Variants in TAS2R1 observed in about 807,000 individuals in gnomAD.
TAS2R1 encodes taste receptor type 2 member 1.
For synonymous variants in TAS2R1, 141 were observed against 134.2 expected (o/e 1.05, Z -0.35); for missense variants, 370 against 353.4 (o/e 1.05, Z -0.38).
the TAS2R1 span, among the ~76,000 whole-genome samples, chr5:9,861,037 G>GGTTTTTTTTTTTTTTTTTTTTTTTTTT: frequency 6.8e-5 from 6 of 88,612 alleles, 1 homozygote; most frequent in African/African-American, 2.1e-4. Context: ...GGAAGATGAG[G>GGTTTTTTTTTTTTTTTTTTTTTTTTTT]TTTTTTTTTT....
chr5:9,649,870 T>G (rs1183570585), intron 2 of TAS2R1, among the ~76,000 whole-genome samples: 2 of 152,186 alleles, frequency 1.3e-5, no homozygotes, highest in East Asian at 3.9e-4. Flanking sequence ...GCTACATTTT[T>G]AAAATAATAG....
chr5:9,778,553 C>G, the TAS2R1 span, among the ~76,000 whole-genome samples: 1 of 152,228 alleles, frequency 6.6e-6, no homozygotes, highest in Non-Finnish European at 1.5e-5. Context: ...CATTGACAAT[C>G]GATTATTTAG....
At chr5:9,705,440 T>C (rs533734322) in intron 1 of TAS2R1, among the ~76,000 whole-genome samples, 1 of 152,334 alleles carries the variant, frequency 6.6e-6, no homozygotes, top group African/African-American at 2.4e-5. Flanking sequence ...AAAATTAAAA[T>C]TCAGTTCTGA....
chr5:9,763,617 A>G, the TAS2R1 span, among the ~76,000 whole-genome samples: 2 of 152,222 alleles, frequency 1.3e-5, no homozygotes, highest in African/African-American at 4.8e-5. Context: ...ATTGTCTACA[A>G]ATGAACCAGA....
At chr5:9,779,922 AC>A in the TAS2R1 span, among the ~76,000 whole-genome samples, 4 of 152,220 alleles carry the variant, frequency 2.6e-5, no homozygotes, top group Non-Finnish European at 5.9e-5. Context: ...GCCTGTACTT[AC>A]CCTCAGCTGA....
the TAS2R1 span, among the ~76,000 whole-genome samples, chr5:9,755,524 T>A: frequency 6.7e-6 from 1 of 150,122 alleles, no homozygotes; most frequent in African/African-American, 2.5e-5. Context: ...GAGGTGGAGC[T>A]TGCAGTGAGC....
chr5:9,696,613 A>T (rs557304301), intron 1 of TAS2R1, among the ~76,000 whole-genome samples: 92 of 152,132 alleles, frequency 6.0e-4, no homozygotes, highest in Non-Finnish European at 1.1e-3. Flanking sequence ...AAAATAGAAT[A>T]TAAAAAATTA....
the TAS2R1 span, among the ~76,000 whole-genome samples, chr5:9,843,396 ATC>A: frequency 6.6e-6 from 1 of 152,052 alleles, no homozygotes; most frequent in African/African-American, 2.4e-5. Context: ...ACTTTTCTCC[ATC>A]TCCTCCACCA....
At chr5:9,633,948 T>G (rs967271060), upstream of TAS2R1, among the ~76,000 whole-genome samples, 1 of 152,158 alleles carries the variant, frequency 6.6e-6, no homozygotes, top group African/African-American at 2.4e-5. Flanking sequence ...TTAGTTTAAT[T>G]AGGTCCCATC....
At chr5:9,639,966 G>A (rs2126480126) in intron 2 of TAS2R1, among the ~76,000 whole-genome samples, 1 of 152,132 alleles carries the variant, frequency 6.6e-6, no homozygotes, top group East Asian at 1.9e-4. Flanking sequence ...GTGTTCACTG[G>A]GGTAGCACTT....
the TAS2R1 span, among the ~76,000 whole-genome samples, chr5:9,764,108 A>G: frequency 6.6e-6 from 1 of 152,276 alleles, no homozygotes; most frequent in African/African-American, 2.4e-5. Context: ...TAACAGTCAG[A>G]CTACAGAAAG....
At chr5:9,706,179 C>G (rs755783738) in intron 1 of TAS2R1, among the ~76,000 whole-genome samples, 1 of 152,210 alleles carries the variant, frequency 6.6e-6, no homozygotes, top group Non-Finnish European at 1.5e-5. Flanking sequence ...TATATACCTG[C>G]TACTACAAAC....
intron 1 of TAS2R1, among the ~76,000 whole-genome samples, chr5:9,665,529 T>C (rs142925422): frequency 9.8e-4 from 149 of 152,368 alleles, no homozygotes; most frequent in African/African-American, 3.4e-3. Context: ...AAATTTGTTT[T>C]AGTCTTTGTA....
At chr5:9,718,760 A>G in the TAS2R1 span, among the ~76,000 whole-genome samples, 1 of 152,224 alleles carries the variant, frequency 6.6e-6, no homozygotes, top group South Asian at 2.1e-4. Flanking sequence ...CAGAGGACAC[A>G]GTATCTTCTA....
At chr5:9,859,588 G>T in the TAS2R1 span, among the ~76,000 whole-genome samples, 2 of 152,204 alleles carry the variant, frequency 1.3e-5, no homozygotes, top group African/African-American at 4.8e-5. Context: ...ACTGTCTGGG[G>T]AGTGGCCATT....
At chr5:9,731,523 C>T in the TAS2R1 span, among the ~76,000 whole-genome samples, 9 of 152,132 alleles carry the variant, frequency 5.9e-5, no homozygotes, top group African/African-American at 1.9e-4. Flanking sequence ...GGTGGCCATC[C>T]GCCCATGCCT....
At chr5:9,760,901 C>T in the TAS2R1 span, 23 of 152,156 alleles carry the variant, frequency 1.5e-4, no homozygotes, top group South Asian at 4.1e-4. Context: ...AAAGAAAACC[C>T]TCTTCGTCCA....
Position 9,706,291 on chromosome 5 carries a change from G to C in TAS2R1, c.-242+5881C>G, listed in dbSNP as rs1371416364. Among the ~76,000 whole-genome samples the C allele has an allele frequency of 2.6e-5, 4 of 152,266 alleles. No individual in the cohort carries two copies. In the East Asian group the frequency reaches 7.7e-4, roughly 29 times the overall value. Reference sequence around the variant, plus strand: ...TGGGGAAGGGAGGAAGTAGAGCCCTGGCCATACTCAGAACCAGGGGAACTG... The same window carrying C: ...TGGGGAAGGGAGGAAGTAGAGCCCTCGCCATACTCAGAACCAGGGGAACTG... On this transcript the variant is annotated intron_variant, in intron 1 of 2. Coordinates refer to the TAS2R1 transcript ENST00000506620.
chr5:9,877,653 G>A, the TAS2R1 span, among the ~76,000 whole-genome samples: 4 of 152,226 alleles, frequency 2.6e-5, no homozygotes, highest in African/African-American at 9.6e-5. Context: ...ATTAAGTGCT[G>A]TCTCTGGGTA....
Sources: allele counts gnomAD v4.1 joint callset (sites outside exome capture counted in the v4.1 genomes callset), GRCh38; gene constraint gnomAD v4.1.1; transcripts MANE v1.5; gene names NCBI Gene and HGNC (gene_info 2026-07-23, HGNC 2026-07-21).